ZNF678: variants seen among roughly 807,000 people sequenced by gnomAD.
The protein encoded by ZNF678 is hypothetical protein MGC42493.
ZNF678 carries 5 observed loss-of-function variants against 3.0 expected under a neutral mutation model. The ratio of observed to expected loss-of-function variants is 1.69; its 90% CI spans 0.88 to 3.56. The LOEUF (loss-of-function observed/expected upper bound fraction) is 3.56. ZNF678 is among the 30% of genes most tolerant of loss of function. The probability of loss-of-function intolerance (pLI) is 0.00; values close to 1 mark genes in which losing one functional copy is unlikely to be tolerated. For missense variants in ZNF678, 593 were observed against 605.0 expected (o/e 0.98, Z 0.21); for synonymous variants, 218 against 199.6 (o/e 1.09, Z -0.78).
At chr1:227,618,924 G>T (rs1418998240) in intron 1 of ZNF678, among the ~76,000 whole-genome samples, 1 of 152,072 alleles carries the variant, frequency 6.6e-6, no homozygotes, top group Non-Finnish European at 1.5e-5. Flanking sequence ...TGGCTGGGGG[G>T]GCCTCAGGAA....
chr1:227,624,573 T>C (rs2935153), intron 1 of ZNF678, among the ~76,000 whole-genome samples: 132,261 of 152,246 alleles, frequency 0.87, 57,793 homozygotes, highest in African/African-American at 0.96. Flanking sequence ...ACTCCCAACA[T>C]GGCAGCAAGC....
downstream of ZNF678, among the ~76,000 whole-genome samples, chr1:227,665,052 T>C (rs772300899): frequency 6.6e-6 from 1 of 152,146 alleles, no homozygotes; most frequent in Non-Finnish European, 1.5e-5. Context: ...ACCTACCCAA[T>C]GGGGATTATA....
At chr1:227,570,269 A>G (rs1222267827) in intron 1 of ZNF678, among the ~76,000 whole-genome samples, 1 of 152,204 alleles carries the variant, frequency 6.6e-6, no homozygotes, top group Non-Finnish European at 1.5e-5. Flanking sequence ...GTGGGTCACT[A>G]GTATGATGCC....
chr1:227,577,184 G>C (rs1657007936), intron 1 of ZNF678, among the ~76,000 whole-genome samples: 1 of 152,174 alleles, frequency 6.6e-6, no homozygotes, highest in Admixed American at 6.5e-5. Flanking sequence ...TACAGTATGT[G>C]CCATGTGGCT....
rs548767136 is a variant in ZNF678, at chr1:227,651,223, G to A, written c.85+147G>A. Reference sequence around the variant, plus strand: ...TGGGCTTATTACCAGGGGCTTGTGTGCTTGTGAATTCTGTCTTATTCCTTG... The same window carrying A: ...TGGGCTTATTACCAGGGGCTTGTGTACTTGTGAATTCTGTCTTATTCCTTG... On this transcript the variant is annotated intron_variant, in intron 3 of 3. Transcript: ENST00000343776. The A allele has an allele frequency of 1.3e-5, 11 of 869,320 alleles. No individual in the cohort carries two copies. The South Asian group carries it at 2.0e-4, about 16-fold the overall frequency. The allele number at this position is 869,320 out of a possible 1,614,324, so 53.9% of individuals were successfully genotyped here.
chr1:227,600,020 C>T (rs1416120807), intron 1 of ZNF678, among the ~76,000 whole-genome samples: 1 of 152,136 alleles, frequency 6.6e-6, no homozygotes, highest in Non-Finnish European at 1.5e-5. Flanking sequence ...TTCTATGTGT[C>T]CGTGTGTTCT....
intron 1 of ZNF678, among the ~76,000 whole-genome samples, chr1:227,623,244 A>C (rs772761851): frequency 6.6e-6 from 1 of 152,250 alleles, no homozygotes; most frequent in Non-Finnish European, 1.5e-5. Context: ...GTAAGTAACT[A>C]TTTAATCAGT....
At chr1:227,573,112 A>G (rs1347975118) in intron 1 of ZNF678, among the ~76,000 whole-genome samples, 1 of 151,870 alleles carries the variant, frequency 6.6e-6, no homozygotes, top group East Asian at 1.9e-4. Flanking sequence ...TGCGGTGACA[A>G]GAAGGCAATC....
At chr1:227,567,163 C>T (rs1020000677) in intron 1 of ZNF678, among the ~76,000 whole-genome samples, 3 of 152,110 alleles carry the variant, frequency 2.0e-5, no homozygotes, top group African/African-American at 7.2e-5. Flanking sequence ...TAAGTGTTTC[C>T]TAAATGATCT....
At chr1:227,582,249 T>C (rs1657148674) in intron 1 of ZNF678, among the ~76,000 whole-genome samples, 1 of 152,130 alleles carries the variant, frequency 6.6e-6, no homozygotes, top group Non-Finnish European at 1.5e-5. Flanking sequence ...ATTTCTTAAA[T>C]TGAATGTAGT....
chr1:227,594,898 G>A (rs1348808908), intron 1 of ZNF678, among the ~76,000 whole-genome samples: 1 of 152,114 alleles, frequency 6.6e-6, no homozygotes, highest in Non-Finnish European at 1.5e-5. Flanking sequence ...TCACAATGAG[G>A]TTTCCTCTAA....
At chr1:227,629,793 G>A (rs1409366426) in intron 1 of ZNF678, among the ~76,000 whole-genome samples, 4 of 152,144 alleles carry the variant, frequency 2.6e-5, no homozygotes, top group African/African-American at 9.7e-5. Context: ...TGGACAAGGG[G>A]GTGGCTTATT....
At chr1:227,620,183 TAGTG>T (rs1236766538) in intron 1 of ZNF678, among the ~76,000 whole-genome samples, 7 of 152,186 alleles carry the variant, frequency 4.6e-5, no homozygotes, top group Non-Finnish European at 8.8e-5. Context: ...TACATTTCCA[TAGTG>T]AGAGCAAACT....
intron 1 of ZNF678, among the ~76,000 whole-genome samples, chr1:227,579,860 A>G (rs985346506): frequency 6.6e-6 from 1 of 152,180 alleles, no homozygotes; most frequent in Non-Finnish European, 1.5e-5. Context: ...AAAGTCTCCT[A>G]CTGGAGCAAG....
intron 1 of ZNF678, among the ~76,000 whole-genome samples, chr1:227,592,732 G>A (rs1205623688): frequency 6.6e-6 from 1 of 152,204 alleles, no homozygotes; most frequent in Non-Finnish European, 1.5e-5. Context: ...ATAGATGTGA[G>A]AGTTGAAAGA....
intron 5 of ZNF678, among the ~76,000 whole-genome samples, chr1:227,670,182 A>G (rs1659576057): frequency 6.6e-6 from 1 of 152,190 alleles, no homozygotes; most frequent in African/African-American, 2.4e-5. Flanking sequence ...AGGAAGAGAG[A>G]CGGGCATGTG....
chr1:227,609,228 T>A (rs1480688885), intron 1 of ZNF678, among the ~76,000 whole-genome samples: 16 of 150,878 alleles, frequency 1.1e-4, no homozygotes, highest in Non-Finnish European at 1.8e-4. Context: ...GTCAAAACAT[T>A]AATGCATAAA....
chr1:227,673,101 C>A (rs190707453), intron 5 of ZNF678, among the ~76,000 whole-genome samples: 1 of 152,260 alleles, frequency 6.6e-6, no homozygotes, highest in East Asian at 1.9e-4. Context: ...GGTTCAACAC[C>A]ACACTATGCC....
intron 5 of ZNF678, among the ~76,000 whole-genome samples, chr1:227,675,871 A>G (rs921401761): frequency 1.3e-5 from 2 of 152,220 alleles, no homozygotes; most frequent in Non-Finnish European, 2.9e-5. Context: ...CATGTTAAGA[A>G]TGCAACATCT....
Sources: gnomAD v4.1 joint callset for allele counts (sites outside exome capture counted in the v4.1 genomes callset) on GRCh38, gnomAD v4.1.1 for gene constraint, MANE v1.5 for transcripts, NCBI Gene and HGNC (gene_info 2026-07-23, HGNC 2026-07-21) for gene names.